LAPTM4B: variants seen among roughly 807,000 people sequenced by gnomAD.
The protein encoded by LAPTM4B is lysosomal protein transmembrane 4 beta.
LAPTM4B carries 26 observed loss-of-function variants against 28.5 expected under a neutral mutation model. The observed-to-expected ratio is 0.91, with a 90% confidence interval of 0.67 to 1.27. The LOEUF is 1.27. Among genes scored for constraint, LAPTM4B ranks in the 50% most tolerant of loss-of-function variants. The pLI, the probability that LAPTM4B is intolerant of heterozygous loss-of-function variation, is 0.00. For synonymous variants in LAPTM4B, 109 were observed against 106.4 expected (o/e 1.02, Z -0.15); for missense variants, 288 against 285.8 (o/e 1.01, Z -0.06).
chr8:97,799,956 T>C (rs896394333), intron 1 of LAPTM4B, among the ~76,000 whole-genome samples: 1 of 152,176 alleles, frequency 6.6e-6, no homozygotes, highest in Admixed American at 6.5e-5. Flanking sequence ...CAAATCTTCA[T>C]CTTTTGAGTT....
Position 97,792,017 on chromosome 8 carries a change from A to T in LAPTM4B, c.100-13336A>T, listed in dbSNP as rs925205366. Among the ~76,000 whole-genome samples the T allele has an allele frequency of 2.6e-5, 4 of 152,174 alleles. 1 individual carries two copies. Among genetic ancestry groups the T allele is most frequent in the African/African-American group, 9.6e-5 (4 of 41,538 alleles). On this transcript the variant is annotated intron_variant, in intron 1 of 6. Coordinates refer to ENST00000521545, the MANE Select transcript of LAPTM4B (RefSeq NM_018407.6). ...GACCTGGTTGAATTTGGGGGGAAAA[A>T]CTTCCATAATATATTAAAAAATTAT...
rs549206326 is a variant in LAPTM4B at position 97,824,781 on chromosome 8, A to G, written c.508-277A>G. On this transcript the variant is annotated intron_variant, in intron 5 of 6. Coordinates refer to ENST00000521545, the MANE Select transcript of LAPTM4B (RefSeq NM_018407.6). ...AGACACTTATTCTTAGAAATTTCTCATTCAACTCTCATCCCTCCCCTCTCC... is the reference window on the plus strand; with the variant it reads ...AGACACTTATTCTTAGAAATTTCTCGTTCAACTCTCATCCCTCCCCTCTCC... Among the ~76,000 whole-genome samples, 105 of 152,184 alleles carry G rather than the reference A, an allele frequency of 6.9e-4. 1 individual carries two copies. In the South Asian group the frequency reaches 0.021, roughly 31 times the overall value.
chr8:97,802,662 C>T (rs1306262443), intron 1 of LAPTM4B, among the ~76,000 whole-genome samples: 2 of 152,114 alleles, frequency 1.3e-5, no homozygotes, highest in Non-Finnish European at 2.9e-5. Flanking sequence ...GGGTCTTAGC[C>T]ACATTTTACC....
At chr8:97,818,323 G>A (rs1231453305) in intron 4 of LAPTM4B, among the ~76,000 whole-genome samples, 8 of 150,740 alleles carry the variant, frequency 5.3e-5, no homozygotes, top group African/African-American at 7.3e-5. Flanking sequence ...AATATTGCTC[G>A]TGAGGAATCC....
intron 6 of LAPTM4B, among the ~76,000 whole-genome samples, chr8:97,844,255 G>C (rs1000644427): frequency 6.6e-6 from 1 of 152,058 alleles, no homozygotes; most frequent in South Asian, 2.1e-4. Context: ...ACCACACCCA[G>C]CTAATTTTTC....
chr8:97,798,704 A>G (rs1288263505), intron 1 of LAPTM4B, among the ~76,000 whole-genome samples: 1 of 152,192 alleles, frequency 6.6e-6, no homozygotes, highest in Non-Finnish European at 1.5e-5. Flanking sequence ...CTGTTGTCAG[A>G]TACCATGTGA....
At chr8:97,839,480 A>C (rs1256852365) in intron 6 of LAPTM4B, among the ~76,000 whole-genome samples, 1 of 152,218 alleles carries the variant, frequency 6.6e-6, no homozygotes, top group African/African-American at 2.4e-5. Context: ...GGCGTGAACC[A>C]CTGCGCCCGG....
chr8:97,807,914 G>A (rs1294522476), intron 2 of LAPTM4B, among the ~76,000 whole-genome samples: 2 of 148,414 alleles, frequency 1.3e-5, no homozygotes, highest in African/African-American at 5.0e-5. Context: ...AAAAGGAAAA[G>A]TTGGCATTAT....
At position 97,819,925 on chromosome 8, in the gene LAPTM4B, T is replaced by C. The variant is rs140686376; in HGVS notation, c.507+687T>C. Among the ~76,000 whole-genome samples, 809 of 152,120 alleles carry C rather than the reference T, an allele frequency of 5.3e-3. 4 individuals are homozygous for C. Among genetic ancestry groups the C allele is most frequent in the African/African-American group, 0.019 (768 of 41,508 alleles). ...AATTTTTTTGTATTTTTAGTAGAGATGGGGTTTCACTGTGTTAGCCAGGAT... is the reference window on the plus strand; with the variant it reads ...AATTTTTTTGTATTTTTAGTAGAGACGGGGTTTCACTGTGTTAGCCAGGAT... On this transcript the variant is annotated intron_variant, in intron 5 of 6. Coordinates refer to ENST00000521545, the MANE Select transcript of LAPTM4B (RefSeq NM_018407.6).
Position 97,805,415 on chromosome 8 carries a change from C to T in LAPTM4B, c.162C>T (p.Asn54=). The change falls in exon 2 of 7, where the codon AAC becomes AAT. Residue 54 remains asparagine (N), a synonymous_variant. Transcript: ENST00000521545. ...LSALADPDQY[N]FSSSELGGDF... ...CCCTGGCTGATCCGGATCAGTATAACTTTTCAAGTTCTGAACTGGGAGGTG... is the reference window on the plus strand; with the variant it reads ...CCCTGGCTGATCCGGATCAGTATAATTTTTCAAGTTCTGAACTGGGAGGTG... 2 of 1,583,670 alleles carry T rather than the reference C, an allele frequency of 1.3e-6. No individual in the cohort carries two copies. The highest frequency in any genetic ancestry group is 1.7e-6 in the Non-Finnish European group (2 of 1,162,696).
At chr8:97,780,590 C>T (rs1293908488) in intron 1 of LAPTM4B, among the ~76,000 whole-genome samples, 3 of 152,094 alleles carry the variant, frequency 2.0e-5, no homozygotes, top group South Asian at 2.1e-4. Context: ...ATGTACTTTA[C>T]TAGATACTTT....
At chr8:97,845,863 CT>C (rs1477013697) in intron 6 of LAPTM4B, among the ~76,000 whole-genome samples, 2 of 53,398 alleles carry the variant, frequency 3.7e-5, no homozygotes, top group East Asian at 4.7e-4. Context: ...TTTCCCCCCC[CT>C]TCCACTCCCC....
At chr8:97,839,083 C>G (rs1199088839) in intron 6 of LAPTM4B, among the ~76,000 whole-genome samples, 2 of 152,278 alleles carry the variant, frequency 1.3e-5, no homozygotes, top group South Asian at 4.1e-4. Context: ...GATTTTTCTC[C>G]CAAAACCTTT....
At chr8:97,791,114 C>T (rs932008291) in intron 1 of LAPTM4B, among the ~76,000 whole-genome samples, 8 of 152,072 alleles carry the variant, frequency 5.3e-5, no homozygotes, top group African/African-American at 1.9e-4. Flanking sequence ...CTTGTTTGCC[C>T]AGTCTGGTCT....
intron 1 of LAPTM4B, among the ~76,000 whole-genome samples, chr8:97,790,500 T>A (rs137962612): frequency 2.0e-5 from 3 of 151,682 alleles, no homozygotes; most frequent in Admixed American, 2.0e-4. Context: ...TTAGTAGAGA[T>A]GGAGTTTCAC....
At chr8:97,777,941 C>T (rs1313032947) in intron 1 of LAPTM4B, among the ~76,000 whole-genome samples, 1 of 152,186 alleles carries the variant, frequency 6.6e-6, no homozygotes, top group Admixed American at 6.5e-5. Context: ...CATCAGAGAA[C>T]GTAATTTGTA....
chr8:97,822,860 A>G (rs1024637168), intron 5 of LAPTM4B, among the ~76,000 whole-genome samples: 1 of 150,870 alleles, frequency 6.6e-6, no homozygotes, highest in Admixed American at 6.6e-5. Flanking sequence ...ATTTTTTTTG[A>G]GACAAGAGTG....
At chr8:97,796,657 C>T (rs745966430) in intron 1 of LAPTM4B, among the ~76,000 whole-genome samples, 5 of 152,140 alleles carry the variant, frequency 3.3e-5, no homozygotes, top group Non-Finnish European at 5.9e-5. Context: ...TGTCCGGGCA[C>T]GTCCGGGCGC....
At chr8:97,834,646 G>A (rs1817234488) in intron 6 of LAPTM4B, among the ~76,000 whole-genome samples, 1 of 151,856 alleles carries the variant, frequency 6.6e-6, no homozygotes, top group Non-Finnish European at 1.5e-5. Context: ...CATGCACCTG[G>A]GCCTCAAACT....
Sources: allele counts gnomAD v4.1 joint callset (sites outside exome capture counted in the v4.1 genomes callset), GRCh38; gene constraint gnomAD v4.1.1; transcripts MANE v1.5; gene names NCBI Gene and HGNC (gene_info 2026-07-23, HGNC 2026-07-21).